Variants in EPN3 observed in about 807,000 individuals in gnomAD.
EPN3 encodes epsin 3.
EPN3 carries 56 observed loss-of-function variants against 55.5 expected under a neutral mutation model. The ratio of observed to expected loss-of-function variants is 1.01; its 90% CI spans 0.81 to 1.26. EPN3 has a LOEUF of 1.26. EPN3 is among the 50% of genes most tolerant of loss of function. EPN3 has a pLI of 0.00. For synonymous variants in EPN3, 449 were observed against 375.2 expected, an observed-to-expected ratio of 1.20 and a Z score of -2.27; for missense variants, 927 against 853.4, an observed-to-expected ratio of 1.09 and a Z score of -1.07.
chr17:50,540,795 T>C lies in EPN3; in HGVS notation c.982T>C (p.Phe328Leu), dbSNP rs2034837634. 2 of 1,606,980 alleles carry C rather than the reference T, an allele frequency of 1.2e-6. No homozygotes were observed. Among genetic ancestry groups the C allele is most frequent in the Non-Finnish European group, 1.7e-6 (2 of 1,175,134 alleles). ...CSADPWDIPG[F>L]RPNTEASGSS... ...TGTCTATGCTGTTCCCATTTCAGGT[T>C]TTAGGCCGAACACAGAGGCCAGTGG... The change falls in exon 7 of 10, where the codon TTT becomes CTT. Residue 328 changes from phenylalanine to leucine, a missense_variant and splice_region_variant. By Grantham distance (22) the Phe-to-Leu change is conservative. Transcript: ENST00000268933.
chr17:50,537,090 C>T lies in EPN3; in HGVS notation c.534C>T (p.Arg178=). ...GCCGCTACGGCGAGGACTACAGCCG[C>T]TCCCGGGGCTCCCCGTCCTCCTACA... ...FSRRYGEDYS[R]SRGSPSSYNS... Residue 178 remains arginine (R), a synonymous_variant, in exon 2 of 10, where the codon CGC becomes CGT. Transcript: ENST00000268933. 1.2e-6 allele frequency: 2 copies of T among 1,608,106 alleles called. No homozygotes were observed. The highest frequency in any genetic ancestry group is 1.1e-5 in the South Asian group (1 of 90,664).
At chr17:50,533,022 G>A (rs1038060913) in intron 1 of EPN3, 37 bp downstream of exon 1, 49 of 1,224,968 alleles carry the variant, frequency 4.0e-5, no homozygotes, top group Middle Eastern at 2.3e-4. Context: ...TGGCAGTGGC[G>A]GCATGGAAGG....
chr17:50,540,910 T>A lies in EPN3; in HGVS notation c.1097T>A (p.Met366Lys), dbSNP rs1185082002. The A allele has an allele frequency of 3.1e-6, 5 of 1,614,030 alleles. No individual in the cohort carries two copies. In the Admixed American group the frequency reaches 5.0e-5, roughly 16 times the overall value. The change falls in exon 7 of 10, where the codon ATG becomes AAG. Residue 366 changes from methionine (M) to lysine (K), a missense_variant. Met to Lys is a moderately conservative substitution (Grantham distance 95). Transcript: ENST00000268933. The stretch of plus-strand genomic sequence containing the variant: ...AGCCAGCCCTGGGATCTGACTCCCA[T>A]GCTCTCCTCCTCTGAGCCCTGGGGC... ...SRSQPWDLTP[M>K]LSSSEPWGRT...
Position 50,537,926 on chromosome 17 carries a change from C to A in EPN3, c.563-153C>A, listed in dbSNP as rs544880049. 98 of 620,696 alleles carry A rather than the reference C, an allele frequency of 1.6e-4. No homozygotes were observed. The African/African-American group carries it at 1.7e-3, about 11-fold the overall frequency. 38.4% of individuals were successfully genotyped at this position (620,696 alleles called of 1,614,324 possible). On this transcript the variant is annotated intron_variant, in intron 2 of 9. Coordinates refer to ENST00000268933, the MANE Select transcript of EPN3 (RefSeq NM_017957.3). ...GGGATGGGTTGGGATGGGGAACTTA[C>A]AGAGTGCCTGGCACACTGCTTGGCC...
At position 50,541,550 on chromosome 17, in the gene EPN3, G is replaced by T; in HGVS notation, c.1441G>T (p.Glu481Ter). 1 of 1,614,204 alleles carries T rather than the reference G, an allele frequency of 6.2e-7. No individual in the cohort carries two copies. Among genetic ancestry groups the T allele is most frequent in the East Asian group, 2.2e-5 (1 of 44,880 alleles). The change falls in exon 9 of 10, where the codon GAA becomes TAA. Residue 481 changes from glutamate to a stop codon, truncating the protein, a stop_gained. Transcript: ENST00000268933. LOFTEE classifies it high-confidence loss of function. Reference protein sequence around the residue: ...PDALDLGILGEALTQPSKEAR... With the variant: ...PDALDLGILG ...TGCCCTGGACCTGGGCATACTAGGG[G>T]AAGCACTAACCCAGCCAAGCAAAGA...
chr17:50,537,575 C>A, intron 2 of EPN3: 1 of 199,622 alleles, frequency 5.0e-6, no homozygotes. Context: ...CCCCTTCATC[C>A]CCCTACCTGA....
At position 50,536,461 on chromosome 17, in the gene EPN3, G is replaced by A. The variant is rs532982612; in HGVS notation, c.-96G>A. 3.4e-5 allele frequency: 54 copies of A among 1,575,002 alleles called. No homozygotes were observed. The South Asian group carries it at 4.4e-4, about 13-fold the overall frequency. On this transcript the variant is annotated 5_prime_UTR_variant, in exon 2 of 10. Coordinates refer to ENST00000268933, the MANE Select transcript of EPN3 (RefSeq NM_017957.3). ...AAGGATGCAGCTGCTCTGCTAACAC[G>A]GCAGCCCATCCTTCAAGACTGTGAC... is the stretch of plus-strand genomic sequence containing the variant.
chr17:50,536,540 C>T lies in EPN3; in HGVS notation c.-17C>T. The T allele has an allele frequency of 6.2e-7, 1 of 1,613,338 alleles. No homozygotes were observed. Among genetic ancestry groups the T allele is most frequent in the Non-Finnish European group, 8.5e-7 (1 of 1,180,010 alleles). ...CTCCGGCGGGGGCGAGGGCCACCCA[C>T]CTCCAAGTCTCCAGCCATGACGACC... On this transcript the variant is annotated 5_prime_UTR_variant, in exon 2 of 10. Coordinates refer to ENST00000268933, the MANE Select transcript of EPN3 (RefSeq NM_017957.3).
chr17:50,534,614 C>G (rs2034731575), intron 1 of EPN3: 3 of 985,348 alleles, frequency 3.0e-6, no homozygotes, highest in East Asian at 1.1e-4. Context: ...CCACAGAAGG[C>G]CCACGACCCG....
Position 50,532,782 on chromosome 17 carries a change from C to A in EPN3, c.-340C>A. ...AGGAGGCAAACGCACGCGGGAAGAG[C>A]TGCTACCCATTCCAGGGACCCTGCC... On this transcript the variant is annotated 5_prime_UTR_variant, in exon 1 of 10. In the 5' UTR this introduces an upstream ATG that the reference lacks. Coordinates refer to ENST00000268933, the MANE Select transcript of EPN3 (RefSeq NM_017957.3). 1 of 812,906 alleles carries A rather than the reference C, an allele frequency of 1.2e-6. No homozygotes were observed. Among genetic ancestry groups the A allele is most frequent in the Non-Finnish European group, 1.7e-6 (1 of 582,116 alleles). The allele number at this position is 812,906 out of a possible 1,614,324, so 50.4% of individuals were successfully genotyped here. A position where few individuals can be genotyped will look rare whatever the true frequency, so the allele number is the denominator to read the frequency against.
Position 50,536,923 on chromosome 17 carries a change from G to C in EPN3, c.367G>C (p.Val123Leu). 4 of 1,614,142 alleles carry C rather than the reference G, an allele frequency of 2.5e-6. No individual in the cohort carries two copies. The South Asian group carries it at 4.4e-5, about 18-fold the overall frequency. ...CGACGGCAAGGACCAGGGCGTCAAC[G>C]TGCGCGAGAAGGTCAAGCAGGTGAT... ...DRDGKDQGVN[V>L]REKVKQVMAL... Residue 123 changes from valine (V) to leucine (L), a missense_variant, in exon 2 of 10, where the codon GTG (valine) becomes CTG (leucine). Coordinates refer to ENST00000268933, the MANE Select transcript of EPN3 (RefSeq NM_017957.3).
In EPN3 at chr17:50,542,074, G is replaced by A. The variant is rs941889057; in HGVS notation, c.1816G>A (p.Ala606Thr). The A allele has an allele frequency of 5.1e-6, 8 of 1,582,064 alleles. No individual in the cohort carries two copies. Among genetic ancestry groups the A allele is most frequent in the Non-Finnish European group, 6.8e-6 (8 of 1,174,080 alleles). ...VSVFPQAGAF[A>T]PQPLLPTPSS... ...CGTCTTCCCGCAGGCCGGAGCCTTC[G>A]CACCGCAGCCGCTGCTGCCCACGCC... Residue 606 changes from alanine (A) to threonine (T), a missense_variant, in exon 10 of 10, where the codon GCA becomes ACA. By Grantham distance (58) the Ala-to-Thr change is moderately conservative. Coordinates refer to ENST00000268933, the MANE Select transcript of EPN3 (RefSeq NM_017957.3).
In EPN3 at chr17:50,538,124, G is replaced by A. The variant is rs777724581; in HGVS notation, c.608G>A (p.Arg203Gln). 2.8e-5 allele frequency: 45 copies of A among 1,613,882 alleles called. No individual in the cohort carries two copies. Among genetic ancestry groups the A allele is most frequent in the Non-Finnish European group, 3.6e-5 (42 of 1,179,998 alleles). Residue 203 changes from arginine (R) to glutamine (Q), a missense_variant, in exon 3 of 10, where the codon CGG becomes CAG. Transcript: ENST00000268933. ...PRYTSDLEQA[R>Q]PQTSGEEELQ... The stretch of plus-strand genomic sequence containing the variant: ...TATACCTCCGACCTGGAGCAGGCCC[G>A]GCCTCAGACGTCAGGGGAAGAGGAA...
chr17:50,537,275 A>G (rs1218461342), intron 2 of EPN3, 157 bp downstream of exon 2: 4 of 731,946 alleles, frequency 5.5e-6, no homozygotes, highest in Non-Finnish European at 6.5e-6. Flanking sequence ...CACCCGGCAC[A>G]TAGGAGGTGC....
chr17:50,540,759 G>A (rs2034836878), intron 6 of EPN3, 34 bp from the exon 7 acceptor site: 2 of 1,562,798 alleles, frequency 1.3e-6, no homozygotes, highest in East Asian at 4.5e-5. Flanking sequence ...ATAAGGGTGG[G>A]CCTGGGATCA....
At chr17:50,534,535 G>A (rs999235400) in intron 1 of EPN3, 4 of 985,418 alleles carry the variant, frequency 4.1e-6, no homozygotes, top group Non-Finnish European at 4.8e-6. Flanking sequence ...GGGTTGGGGA[G>A]GTGAAGGCAG....
chr17:50,535,330 G>T (rs958895431), intron 1 of EPN3, among the ~76,000 whole-genome samples: 9 of 152,178 alleles, frequency 5.9e-5, no homozygotes, highest in Non-Finnish European at 1.2e-4. Context: ...CTGGAGTCCT[G>T]GATGGTAGTC....
chr17:50,536,777 T>A lies in EPN3; in HGVS notation c.221T>A (p.Val74Glu), dbSNP rs777437072. The A allele has an allele frequency of 6.2e-7, 1 of 1,614,122 alleles. No individual in the cohort carries two copies. The highest frequency in any genetic ancestry group is 8.5e-7 in the Non-Finnish European group (1 of 1,180,024). The change falls in exon 2 of 10, where the codon GTG becomes GAG. Residue 74 changes from valine (V) to glutamate (E), a missense_variant. Val to Glu is a moderately radical substitution (Grantham distance 121). Coordinates refer to ENST00000268933, the MANE Select transcript of EPN3 (RefSeq NM_017957.3). ...LNDSGKNWRH[V>E]YKALTLLDYL... ...GACAGCGGCAAGAACTGGCGGCACG[T>A]GTACAAGGCTCTAACATTGCTGGAC...
chr17:50,532,905 C>T lies in EPN3; in HGVS notation c.-217C>T, dbSNP rs1025275977. The T allele has an allele frequency of 4.7e-6, 6 of 1,285,412 alleles. No homozygotes were observed. Among genetic ancestry groups the T allele is most frequent in the East Asian group, 1.1e-4 (2 of 17,588 alleles). 79.6% of individuals were successfully genotyped at this position (1,285,412 alleles called of 1,614,324 possible). A position where few individuals can be genotyped will look rare whatever the true frequency, so the allele number is the denominator to read the frequency against. On this transcript the variant is annotated 5_prime_UTR_variant, in exon 1 of 10. Transcript: ENST00000268933. ...TCTGGAGACGCTCCCGAGGCTGTGC[C>T]GTCCCGCTGCTGCACAGGTCGGAGG...
Sources: gnomAD v4.1 joint callset for allele counts (sites outside exome capture counted in the v4.1 genomes callset) on GRCh38, gnomAD v4.1.1 for gene constraint, MANE v1.5 for transcripts, NCBI Gene and HGNC (gene_info 2026-07-23, HGNC 2026-07-21) for gene names.